THSD4: variants seen among roughly 807,000 people sequenced by gnomAD.
The protein encoded by THSD4 is thrombospondin type 1 domain containing 4, also known as thrombospondin type-1 domain-containing protein 4.
THSD4 carries 69 observed loss-of-function variants against 119.0 expected under a neutral mutation model. The ratio of observed to expected loss-of-function variants is 0.58; its 90% CI spans 0.48 to 0.71. THSD4 has a LOEUF of 0.71. Ranked by LOEUF, THSD4 falls within the 30% of genes least tolerant of loss-of-function variation. THSD4 has a pLI of 0.00. For missense variants in THSD4, 1,393 were observed against 1,391.1 expected (o/e 1.00, Z -0.02); for synonymous variants, 524 against 540.4 (o/e 0.97, Z 0.42).
intron 7 of THSD4, among the ~76,000 whole-genome samples, chr15:71,653,068 G>A (rs2051123133): frequency 6.6e-6 from 1 of 152,138 alleles, no homozygotes; most frequent in South Asian, 2.1e-4. Flanking sequence ...GGTTGGTCCT[G>A]TAACTTTGAT....
chr15:71,540,057 A>T (rs1452071727), intron 7 of THSD4, among the ~76,000 whole-genome samples: 1 of 151,888 alleles, frequency 6.6e-6, no homozygotes, highest in Non-Finnish European at 1.5e-5. Flanking sequence ...TAAGGGAATC[A>T]TTGGGAGCAA....
chr15:71,649,524 A>C (rs1481223381), intron 7 of THSD4, among the ~76,000 whole-genome samples: 1 of 151,994 alleles, frequency 6.6e-6, no homozygotes, highest in African/African-American at 2.4e-5. Flanking sequence ...TGATCTGCCT[A>C]CCTCAGCCTC....
chr15:71,772,702 C>T (rs998033342), intron 17 of THSD4, among the ~76,000 whole-genome samples: 1 of 152,032 alleles, frequency 6.6e-6, no homozygotes, highest in Admixed American at 6.6e-5. Flanking sequence ...TATAGGCATA[C>T]CATATACCAA....
chr15:71,740,612 A>C (rs906237528), intron 11 of THSD4, among the ~76,000 whole-genome samples: 1 of 152,150 alleles, frequency 6.6e-6, no homozygotes, highest in Non-Finnish European at 1.5e-5. Flanking sequence ...CGGTCTCTCT[A>C]ATGGAGCAAA....
intron 6 of THSD4, among the ~76,000 whole-genome samples, chr15:71,271,462 A>G (rs1008044668): frequency 2.0e-5 from 3 of 152,226 alleles, no homozygotes; most frequent in South Asian, 2.1e-4. Context: ...GTGTTTGCCT[A>G]TGCAGGTGGG....
At chr15:71,498,703 T>G (rs1429529325) in intron 7 of THSD4, among the ~76,000 whole-genome samples, 1 of 152,072 alleles carries the variant, frequency 6.6e-6, no homozygotes, top group Admixed American at 6.6e-5. Flanking sequence ...TTTTTTTGTT[T>G]TGTTTTTCCT....
At chr15:71,737,405 T>C (rs1181979115) in intron 10 of THSD4, among the ~76,000 whole-genome samples, 1 of 152,236 alleles carries the variant, frequency 6.6e-6, no homozygotes, top group Admixed American at 6.5e-5. Flanking sequence ...TGGTGTTCTT[T>C]TCATGTGTAT....
chr15:71,402,184 C>G (rs532970843), intron 6 of THSD4, among the ~76,000 whole-genome samples: 1 of 150,464 alleles, frequency 6.6e-6, no homozygotes, highest in Admixed American at 6.6e-5. Context: ...CACACCAATA[C>G]GGCACATGTA....
intron 7 of THSD4, among the ~76,000 whole-genome samples, chr15:71,451,463 G>A (rs536974555): frequency 6.6e-5 from 10 of 152,172 alleles, no homozygotes; most frequent in Admixed American, 2.0e-4. Context: ...GTCTTTAGGC[G>A]GATAAGGAAG....
At chr15:71,290,510 A>C (rs2044775640) in intron 6 of THSD4, among the ~76,000 whole-genome samples, 1 of 152,174 alleles carries the variant, frequency 6.6e-6, no homozygotes, top group Non-Finnish European at 1.5e-5. Context: ...TGCTTTTAAA[A>C]ACTGTTGTTT....
chr15:71,388,439 G>A (rs62015556), intron 6 of THSD4, among the ~76,000 whole-genome samples: 7,133 of 152,154 alleles, frequency 0.047, 230 homozygotes, highest in Non-Finnish European at 0.069. Flanking sequence ...TCCAAAGGAC[G>A]GCTGATTTTT....
chr15:71,445,822 T>C (rs947002588), intron 7 of THSD4, among the ~76,000 whole-genome samples: 2 of 152,222 alleles, frequency 1.3e-5, no homozygotes, highest in African/African-American at 4.8e-5. Context: ...TCAAATGTTA[T>C]CCATGACGGG....
intron 7 of THSD4, among the ~76,000 whole-genome samples, chr15:71,545,858 T>A (rs2048829225): frequency 6.6e-6 from 1 of 152,130 alleles, no homozygotes; most frequent in Non-Finnish European, 1.5e-5. Flanking sequence ...TGGTAAATGG[T>A]CATGTGACTG....
chr15:71,515,077 A>G (rs1386024697), intron 7 of THSD4, among the ~76,000 whole-genome samples: 1 of 152,234 alleles, frequency 6.6e-6, no homozygotes, highest in Non-Finnish European at 1.5e-5. Flanking sequence ...TGGTTTGGAC[A>G]TCCTTAAGGA....
At chr15:71,350,268 C>CA (rs2045727246) in intron 6 of THSD4, among the ~76,000 whole-genome samples, 2 of 151,870 alleles carry the variant, frequency 1.3e-5, no homozygotes, top group Admixed American at 6.6e-5. Flanking sequence ...AAAAATATCT[C>CA]AAAGTTATGC....
At chr15:71,627,107 A>G (rs1226079008) in intron 7 of THSD4, among the ~76,000 whole-genome samples, 1 of 152,122 alleles carries the variant, frequency 6.6e-6, no homozygotes, top group East Asian at 1.9e-4. Context: ...TTCATGGAAG[A>G]AAAGGAACAT....
intron 6 of THSD4, among the ~76,000 whole-genome samples, chr15:71,288,648 A>G (rs1206885816): frequency 6.6e-6 from 1 of 152,254 alleles, no homozygotes; most frequent in Non-Finnish European, 1.5e-5. Flanking sequence ...AAGGCAGAGA[A>G]CAATCAACAC....
chr15:71,620,307 G>A (rs1355347019), intron 7 of THSD4, among the ~76,000 whole-genome samples: 2 of 152,116 alleles, frequency 1.3e-5, no homozygotes, highest in Non-Finnish European at 2.9e-5. Context: ...AAACATAGTT[G>A]TCTGGCTGGG....
chr15:71,173,188 G>A (rs998410721), intron 3 of THSD4, among the ~76,000 whole-genome samples: 2 of 151,842 alleles, frequency 1.3e-5, no homozygotes, highest in African/African-American at 4.8e-5. Context: ...CAGGATACAA[G>A]GTCAACATGC....
Sources: allele counts gnomAD v4.1 joint callset (sites outside exome capture counted in the v4.1 genomes callset), GRCh38; gene constraint gnomAD v4.1.1; transcripts MANE v1.5; gene names NCBI Gene and HGNC (gene_info 2026-07-23, HGNC 2026-07-21).